The following BNC2 variants were observed in gnomAD, a reference collection of about 807,000 sequenced individuals.
BNC2 encodes zinc finger protein basonuclin-2.
BNC2 carries 20 observed loss-of-function variants against 76.3 expected under a neutral mutation model. That is an observed-to-expected ratio of 0.26 (90% CI 0.18 to 0.38). BNC2 has a LOEUF of 0.38. BNC2 is among the 10% of genes least tolerant of loss of function. The pLI, the probability that BNC2 is intolerant of heterozygous loss-of-function variation, is 1.00. For synonymous variants in BNC2, 582 were observed against 514.8 expected, an observed-to-expected ratio of 1.13 and a Z score of -1.77; for missense variants, 1,382 against 1,399.8, an observed-to-expected ratio of 0.99 and a Z score of 0.20.
chr9:16,736,904 T>G (rs1824688873), intron 2 of BNC2, among the ~76,000 whole-genome samples: 1 of 152,034 alleles, frequency 6.6e-6, no homozygotes, highest in South Asian at 2.1e-4. Flanking sequence ...CCTCCCAGAT[T>G]CAAGCAATTC....
At chr9:16,515,804 A>G (rs2131995870) in intron 5 of BNC2, among the ~76,000 whole-genome samples, 1 of 150,904 alleles carries the variant, frequency 6.6e-6, no homozygotes, top group East Asian at 2.0e-4. Context: ...TTTCAATTCC[A>G]TGCTAAAAAA....
intron 3 of BNC2, among the ~76,000 whole-genome samples, chr9:16,588,605 C>T (rs1819836840): frequency 6.6e-6 from 1 of 152,038 alleles, no homozygotes; most frequent in African/African-American, 2.4e-5. Context: ...TGCAAAAGTA[C>T]ATCTAAAATA....
At chr9:16,431,491 G>A (rs1001921307) in intron 6 of BNC2, 1 of 469,666 alleles carries the variant, frequency 2.1e-6, no homozygotes, top group Admixed American at 2.3e-5. Context: ...CCTCTTCCTA[G>A]GAAAGATTTC....
In BNC2 at chr9:16,748,181, A is replaced by G. The variant is rs372307068; in HGVS notation, c.4-9696T>C. On this transcript the variant is annotated intron_variant, in intron 1 of 6. Transcript: ENST00000380672. ...AACTGAGGAGGTAACAAATACTTCT[A>G]AAATGGGGCTAAGCTATTGCTAGAA... Among the ~76,000 whole-genome samples the G allele has an allele frequency of 1.9e-3, 294 of 152,304 alleles. 1 individual carries two copies. The highest frequency in any genetic ancestry group is 6.6e-3 in the African/African-American group (274 of 41,568).
intron 3 of BNC2, among the ~76,000 whole-genome samples, chr9:16,632,871 T>C (rs1199396522): frequency 6.6e-6 from 1 of 152,184 alleles, no homozygotes; most frequent in African/African-American, 2.4e-5. Context: ...CCTAAAGCAA[T>C]ACTCTTAGGG....
chr9:16,503,443 AT>A (rs1254945574), intron 5 of BNC2, among the ~76,000 whole-genome samples: 2 of 151,670 alleles, frequency 1.3e-5, no homozygotes, highest in Non-Finnish European at 2.9e-5. Context: ...TTCCCTAAGA[AT>A]TTTTTTTTCT....
In BNC2 at chr9:16,436,113, T is replaced by C; in HGVS notation, c.2081A>G (p.His694Arg). The change falls in exon 6 of 7, where the codon CAT (histidine) becomes CGT (arginine). Residue 694 changes from histidine to arginine, a missense_variant. By Grantham distance (29) the His-to-Arg change is conservative. This residue lies in a region of BNC2 where 798 missense variants were observed against 775.5 expected (regional missense o/e 1.03). Coordinates refer to ENST00000380672, the MANE Select transcript of BNC2 (RefSeq NM_017637.6). Reference protein sequence around the residue: ...PGMSVKDFSKHNRTRCISRTE... With the variant: ...PGMSVKDFSKRNRTRCISRTE... ...CCTTGAAATGCACCGGGTCCTGTTA[T>C]GCTTAGAAAAGTCCTTCACAGACAT... 1 of 1,614,216 alleles carries C rather than the reference T, an allele frequency of 6.2e-7. No homozygotes were observed. Among genetic ancestry groups the C allele is most frequent in the Non-Finnish European group, 8.5e-7 (1 of 1,180,044 alleles).
intron 5 of BNC2, among the ~76,000 whole-genome samples, chr9:16,544,689 G>A (rs1399386050): frequency 6.6e-6 from 1 of 151,454 alleles, no homozygotes; most frequent in Non-Finnish European, 1.5e-5. Context: ...TGTGCTGGCA[G>A]ACACCTGTAA....
At chr9:16,683,035 A>T (rs1822870882) in intron 3 of BNC2, among the ~76,000 whole-genome samples, 1 of 152,200 alleles carries the variant, frequency 6.6e-6, no homozygotes, top group South Asian at 2.1e-4. Flanking sequence ...AAAGTAAATA[A>T]AGTTACAGAA....
rs1460079293 is a variant in BNC2 at position 16,851,713 on chromosome 9, A to T, written c.3+18933T>A. 4.6e-5 allele frequency among the ~76,000 whole-genome samples: 7 copies of T among 152,190 alleles called. No homozygotes were observed. In the South Asian group the frequency reaches 8.3e-4, roughly 18 times the overall value. ...TAAGTCACAGATACCCAAAGAAGCC[A>T]GTGAAGCATCATTAACAAGCCTGAA... On this transcript the variant is annotated intron_variant, in intron 1 of 6. Transcript: ENST00000380672.
chr9:16,706,655 G>T (rs1386804706), intron 3 of BNC2, among the ~76,000 whole-genome samples: 1 of 152,126 alleles, frequency 6.6e-6, no homozygotes, highest in Admixed American at 6.5e-5. Context: ...CTAGTTAAAA[G>T]ACTTTTTTCT....
At chr9:16,554,021 C>G (rs1175658329) in intron 4 of BNC2, among the ~76,000 whole-genome samples, 1 of 152,166 alleles carries the variant, frequency 6.6e-6, no homozygotes, top group Non-Finnish European at 1.5e-5. Context: ...GTCATCTAAC[C>G]TCATGAGTCA....
At chr9:16,748,538 G>C (rs1825077684) in intron 1 of BNC2, among the ~76,000 whole-genome samples, 1 of 151,220 alleles carries the variant, frequency 6.6e-6, no homozygotes, top group East Asian at 2.0e-4. Context: ...AAGGAATCCA[G>C]TAAACAGAAA....
intron 4 of BNC2, among the ~76,000 whole-genome samples, chr9:16,561,874 C>T (rs368966984): frequency 9.9e-5 from 15 of 151,948 alleles, no homozygotes; most frequent in African/African-American, 2.9e-4. Flanking sequence ...CATGGTGGCA[C>T]GTGCCTGTAG....
At position 16,677,606 on chromosome 9, in the gene BNC2, C is replaced by CACACACACACACACAG. The variant is rs1455196025; in HGVS notation, c.330+50190_330+50191insCTGTGTGTGTGTGTGT. On this transcript the variant is annotated intron_variant, in intron 3 of 6. Transcript: ENST00000380672. ...ACACACACACACACACACACACACA[C>CACACACACACACACAG]AGTAGCAATATCCTGACTACTGGTC... Among the ~76,000 whole-genome samples, 329 of 151,364 alleles carry CACACACACACACACAG rather than the reference C, an allele frequency of 2.2e-3. 3 individuals carry two copies. Among genetic ancestry groups the CACACACACACACACAG allele is most frequent in the African/African-American group, 7.7e-3 (315 of 40,804 alleles).
At chr9:16,700,852 G>A (rs542585743) in intron 3 of BNC2, among the ~76,000 whole-genome samples, 35 of 152,118 alleles carry the variant, frequency 2.3e-4, no homozygotes, top group East Asian at 1.9e-3. Flanking sequence ...CTGTAATCGC[G>A]GTTATTTGGG....
At chr9:16,541,425 C>G (rs574739891) in intron 5 of BNC2, among the ~76,000 whole-genome samples, 1 of 152,148 alleles carries the variant, frequency 6.6e-6, no homozygotes, top group Non-Finnish European at 1.5e-5. Flanking sequence ...CCCATGGCTA[C>G]TGCAAGACAG....
chr9:16,811,936 G>C (rs1818065839), intron 1 of BNC2, among the ~76,000 whole-genome samples: 1 of 152,202 alleles, frequency 6.6e-6, no homozygotes, highest in Admixed American at 6.5e-5. Context: ...ATACATACCT[G>C]ATTTCTTTAG....
chr9:16,655,876 T>C (rs1021663769), intron 3 of BNC2, among the ~76,000 whole-genome samples: 3 of 152,186 alleles, frequency 2.0e-5, no homozygotes, highest in African/African-American at 7.2e-5. Context: ...TGGGGGCCAC[T>C]CTGATCTCAG....
Sources: gnomAD v4.1 joint callset for allele counts (sites outside exome capture counted in the v4.1 genomes callset) on GRCh38, gnomAD v4.1.1 for gene constraint, gnomAD v4.1.1 regional missense constraint, MANE v1.5 for transcripts, NCBI Gene and HGNC (gene_info 2026-07-23, HGNC 2026-07-21) for gene names.